The following CCDC158 variants were observed in gnomAD, a reference collection of about 807,000 sequenced individuals.
CCDC158 encodes the protein coiled-coil domain-containing protein 158.
CCDC158 carries 116 observed loss-of-function variants against 138.6 expected under a neutral mutation model. That is an observed-to-expected ratio of 0.84 (90% CI 0.72 to 0.98). The LOEUF (loss-of-function observed/expected upper bound fraction) is 0.98, where lower values mean the gene tolerates loss of function less well. CCDC158 is among the 50% of genes least tolerant of loss of function. The probability of loss-of-function intolerance (pLI) is 0.00; values close to 1 mark genes in which losing one functional copy is unlikely to be tolerated. For synonymous variants in CCDC158, 436 were observed against 442.4 expected (o/e 0.99, Z 0.18); for missense variants, 1,265 against 1,306.1 (o/e 0.97, Z 0.48).
At chr4:76,325,234 T>G (rs916150988) in intron 23 of CCDC158, among the ~76,000 whole-genome samples, 1 of 152,182 alleles carries the variant, frequency 6.6e-6, no homozygotes, top group Non-Finnish European at 1.5e-5. Context: ...AGAAATAACT[T>G]GATGATAATA....
rs764718117 is a variant in CCDC158 at position 76,367,337 on chromosome 4, T to G, written c.1787A>C (p.Glu596Ala). 8.1e-6 allele frequency: 13 copies of G among 1,613,718 alleles called. No homozygotes were observed. The South Asian group carries it at 1.3e-4, about 16-fold the overall frequency. The change falls in exon 12 of 25, where the codon GAG becomes GCG. Residue 596 changes from glutamate (E) to alanine (A), a missense_variant. Physicochemically the swap from Glu to Ala is moderately radical, Grantham distance 107 (BLOSUM62 -1). Coordinates refer to ENST00000682701, the MANE Select transcript of CCDC158 (RefSeq NM_001394954.1). ...GAMQVEKAQL[E>A]KEINDRRMEL... ...CATCCGCCTATCATTAATTTCTTTC[T>G]CCAGTTGAGCTTTTTCTACTTGCAT...
At chr4:76,384,949 A>AT (rs1446525518) in intron 4 of CCDC158, among the ~76,000 whole-genome samples, 3 of 152,200 alleles carry the variant, frequency 2.0e-5, no homozygotes, top group Admixed American at 6.5e-5. Flanking sequence ...ATAGAAATAC[A>AT]TTTTTTACAT....
At chr4:76,323,265 T>G (rs749047744) in intron 24 of CCDC158, 37 bp downstream of exon 24, 4 of 1,437,318 alleles carry the variant, frequency 2.8e-6, no homozygotes, top group Non-Finnish European at 3.9e-6. Context: ...AACATTCTCA[T>G]GAGCGAGGAA....
chr4:76,377,466 T>G (rs572816179), intron 9 of CCDC158, among the ~76,000 whole-genome samples: 1 of 152,308 alleles, frequency 6.6e-6, no homozygotes, highest in African/African-American at 2.4e-5. Context: ...CCAGAGTGCC[T>G]ACCTCCACTA....
chr4:76,351,538 T>G (rs1217466785), intron 17 of CCDC158, among the ~76,000 whole-genome samples, 182 bp downstream of exon 17: 2 of 152,192 alleles, frequency 1.3e-5, no homozygotes, highest in Non-Finnish European at 2.9e-5. Context: ...CTTCTATTTG[T>G]TACCATATAT....
intron 2 of CCDC158, chr4:76,407,404 C>A (rs181299774): frequency 6.8e-6 from 1 of 146,890 alleles, no homozygotes; most frequent in East Asian, 2.2e-4. Flanking sequence ...TTTAAATGTT[C>A]TAAATAGAAG....
At chr4:76,342,180 C>T (rs1309554748) in intron 18 of CCDC158, among the ~76,000 whole-genome samples, 10 of 152,082 alleles carry the variant, frequency 6.6e-5, no homozygotes, top group African/African-American at 4.8e-5. Flanking sequence ...ACTAGGACTA[C>T]AAGCAAATGC....
Position 76,403,283 on chromosome 4 carries a change from A to G in CCDC158, c.-73-3T>C, listed in dbSNP as rs1728564828. ...TCTTTGGTTCTTTTGGTTCCTGTCT[A>G]TGAAAGACAGAGATTCAATCTTTAT... On this transcript the variant is annotated splice_polypyrimidine_tract_variant and splice_region_variant and intron_variant, in intron 2 of 24. Coordinates refer to ENST00000682701, the MANE Select transcript of CCDC158 (RefSeq NM_001394954.1). 1 of 977,084 alleles carries G rather than the reference A, an allele frequency of 1.0e-6. No individual in the cohort carries two copies. Among genetic ancestry groups the G allele is most frequent in the East Asian group, 2.6e-5 (1 of 38,170 alleles). The allele number at this position is 977,084 out of a possible 1,614,324, so 60.5% of individuals were successfully genotyped here. A position where few individuals can be genotyped will look rare whatever the true frequency, so the allele number is the denominator to read the frequency against.
chr4:76,351,746 T>C lies in CCDC158; in HGVS notation c.2512A>G (p.Lys838Glu), dbSNP rs1200327953. The change falls in exon 17 of 25, where the codon AAA (lysine) becomes GAA (glutamate). Residue 838 changes from lysine to glutamate, a missense_variant. Physicochemically the swap from Lys to Glu is moderately conservative, Grantham distance 56 (BLOSUM62 1). Transcript: ENST00000682701. The part of the protein sequence containing the change: ...QRQEQESVRL[K>E]LQHTLDIKEL... The stretch of plus-strand genomic sequence containing the variant: ...TTTATATCCAAAGTGTGTTGAAGTT[T>C]TAAGCGCACTGATTCTTGCTCCTGA... The C allele has an allele frequency of 1.9e-6, 3 of 1,612,816 alleles. No individual in the cohort carries two copies. The African/African-American group carries it at 4.0e-5, about 22-fold the overall frequency.
chr4:76,416,853 T>C (rs1050197724), intron 1 of CCDC158, among the ~76,000 whole-genome samples: 6 of 152,224 alleles, frequency 3.9e-5, no homozygotes, highest in Non-Finnish European at 8.8e-5. Flanking sequence ...GAACCTCTGC[T>C]AGCTCAGTGC....
At position 76,375,530 on chromosome 4, in the gene CCDC158, T is replaced by C. The variant is rs1029688677; in HGVS notation, c.1029+3760A>G. Reference sequence around the variant, plus strand: ...CAGTGCTACTAAATCATCACTTTTTTAATACAAAATTCAGCCCCAACTGCT... The same window carrying C: ...CAGTGCTACTAAATCATCACTTTTTCAATACAAAATTCAGCCCCAACTGCT... On this transcript the variant is annotated intron_variant, in intron 9 of 24. Coordinates refer to ENST00000682701, the MANE Select transcript of CCDC158 (RefSeq NM_001394954.1). The C allele has an allele frequency of 4.3e-6, 3 of 701,806 alleles. No homozygotes were observed. The African/African-American group carries it at 5.3e-5, about 12-fold the overall frequency. The allele number at this position is 701,806 out of a possible 1,614,324, so 43.5% of individuals were successfully genotyped here.
At chr4:76,331,527 G>A in intron 20 of CCDC158, 124 bp from the exon 21 acceptor site, 2 of 727,164 alleles carry the variant, frequency 2.8e-6, no homozygotes, top group South Asian at 1.8e-5. Flanking sequence ...TCTGACAGCT[G>A]GATAAATAAA....
chr4:76,376,736 C>T (rs1489642618), intron 9 of CCDC158, among the ~76,000 whole-genome samples: 1 of 152,170 alleles, frequency 6.6e-6, no homozygotes, highest in Non-Finnish European at 1.5e-5. Context: ...TCTCTCAGTG[C>T]TCCCTGACCA....
At chr4:76,402,348 G>A (rs1252717528) in intron 3 of CCDC158, among the ~76,000 whole-genome samples, 1 of 152,140 alleles carries the variant, frequency 6.6e-6, no homozygotes, top group Non-Finnish European at 1.5e-5. Flanking sequence ...AGCAGAAGAG[G>A]GGAAGCCAAG....
chr4:76,399,591 T>C (rs2109848561), intron 3 of CCDC158, among the ~76,000 whole-genome samples: 1 of 152,282 alleles, frequency 6.6e-6, no homozygotes, highest in South Asian at 2.1e-4. Flanking sequence ...TGTAAGATAA[T>C]AGCTTGTAGA....
At chr4:76,330,796 A>T (rs997047779) in intron 21 of CCDC158, among the ~76,000 whole-genome samples, 2 of 152,186 alleles carry the variant, frequency 1.3e-5, no homozygotes, top group African/African-American at 2.4e-5. Context: ...TATATAAGGG[A>T]CTTGAGCATC....
At chr4:76,403,395 A>G in intron 2 of CCDC158, 115 bp from the exon 3 acceptor site, 1 of 432,580 alleles carries the variant, frequency 2.3e-6, no homozygotes, top group Non-Finnish European at 4.0e-6. Context: ...CTTCTCCAGA[A>G]AAATAATTAT....
In CCDC158 at chr4:76,367,432, G is replaced by A. The variant is rs1046806980; in HGVS notation, c.1692C>T (p.Ile564=). 3.7e-6 allele frequency: 6 copies of A among 1,614,174 alleles called. No homozygotes were observed. The highest frequency in any genetic ancestry group is 2.7e-5 in the African/African-American group (2 of 75,034). ...KLQMTEKDKV[I]EILRQQIENM... ...TCTCAATCTGCTGTCGCAGAATCTCGATCACCTTGTCCTTCTCTGTCATCT... is the reference window on the plus strand; with the variant it reads ...TCTCAATCTGCTGTCGCAGAATCTCAATCACCTTGTCCTTCTCTGTCATCT... Residue 564 remains isoleucine, a synonymous_variant, in exon 12 of 25, where the codon ATC becomes ATT. Coordinates refer to ENST00000682701, the MANE Select transcript of CCDC158 (RefSeq NM_001394954.1).
intron 24 of CCDC158, among the ~76,000 whole-genome samples, chr4:76,315,556 A>G (rs1236501643): frequency 1.3e-5 from 2 of 152,220 alleles, no homozygotes; most frequent in Admixed American, 6.5e-5. Context: ...CCCTGCACCA[A>G]GGAAGAAGAA....
Sources: gnomAD v4.1 joint callset for allele counts (sites outside exome capture counted in the v4.1 genomes callset) on GRCh38, gnomAD v4.1.1 for gene constraint, MANE v1.5 for transcripts, NCBI Gene and HGNC (gene_info 2026-07-23, HGNC 2026-07-21) for gene names.